KIAA1671: variants seen among roughly 807,000 people sequenced by gnomAD.
KIAA1671 encodes uncharacterized protein KIAA1671.
KIAA1671 carries 52 observed loss-of-function variants against 131.2 expected under a neutral mutation model. That is an observed-to-expected ratio of 0.40 (90% CI 0.32 to 0.50). The LOEUF (loss-of-function observed/expected upper bound fraction) is 0.50. Among genes scored for constraint, KIAA1671 ranks in the 20% least tolerant of loss-of-function variants. KIAA1671 has a pLI of 0.73. For synonymous variants in KIAA1671, 1,003 were observed against 961.6 expected (o/e 1.04, Z -0.80); for missense variants, 2,360 against 2,364.2 (o/e 1.00, Z 0.04).
At chr22:24,953,364 G>A (rs1921512681) in intron 1 of KIAA1671, among the ~76,000 whole-genome samples, 1 of 152,090 alleles carries the variant, frequency 6.6e-6, no homozygotes, top group Admixed American at 6.5e-5. Context: ...CAAGGGCGGC[G>A]AGCGAGACGG....
In KIAA1671 at chr22:25,039,277, T is replaced by G. The variant is rs1926784829; in HGVS notation, c.2147T>G (p.Phe716Cys). 6.4e-7 allele frequency: 1 copy of G among 1,552,188 alleles called. No homozygotes were observed. The highest frequency in any genetic ancestry group is 1.2e-5 in the South Asian group (1 of 84,062). Residue 716 changes from phenylalanine (F) to cysteine (C), a missense_variant, in exon 5 of 13, where the codon TTC becomes TGC. Phe to Cys is a radical substitution (Grantham distance 205). This residue lies in a region of KIAA1671 where 1,185 missense variants were observed against 1,126.2 expected (regional missense o/e 1.05). Transcript: ENST00000358431. ...TCTGAAAACCACAATAATAACACCT[T>G]CCTCAAACACTTGGAAAATCCTCCC... is the stretch of plus-strand genomic sequence containing the variant. ...PLSENHNNNTFLKHLENPPTS... is the reference protein window; with the variant it reads ...PLSENHNNNTCLKHLENPPTS...
chr22:25,167,096 C>T, intron 6 of KIAA1671, among the ~76,000 whole-genome samples: 1 of 152,180 alleles, frequency 6.6e-6, no homozygotes, highest in Middle Eastern at 3.2e-3. Context: ...CACTTCTAGC[C>T]CTGCGTCCCA....
intron 6 of KIAA1671, 126 bp from the exon 7 acceptor site, chr22:25,170,694 G>A (rs1933816525): frequency 3.5e-6 from 3 of 859,848 alleles, no homozygotes; most frequent in Non-Finnish European, 5.6e-6. Flanking sequence ...GCCCCACTTA[G>A]GAAGGCAGCG....
At chr22:24,967,417 T>C (rs1922355228) in intron 1 of KIAA1671, among the ~76,000 whole-genome samples, 1 of 152,210 alleles carries the variant, frequency 6.6e-6, no homozygotes, top group Admixed American at 6.5e-5. Context: ...AAGCTCTGAC[T>C]CCATCAGAAA....
Position 25,179,242 on chromosome 22 carries a change from G to A in KIAA1671, c.5074+1720G>A, listed in dbSNP as rs1406968755. ...GAACAAAAGTTGCATCTAGACAGAG[G>A]TGAACGAAACAAAACCAAAACCCGA... On this transcript the variant is annotated intron_variant, in intron 9 of 12. Transcript: ENST00000358431. 7 of 1,490,810 alleles carry A rather than the reference G, an allele frequency of 4.7e-6. No individual in the cohort carries two copies. In the Admixed American group the frequency reaches 9.8e-5, roughly 21 times the overall value. The allele number at this position is 1,490,810 out of a possible 1,614,324, so 92.3% of individuals were successfully genotyped here. A position where few individuals can be genotyped will look rare whatever the true frequency, so the allele number is the denominator to read the frequency against.
rs56200570 is a variant in KIAA1671 at position 25,093,838 on chromosome 22, G to GTCTCTCTCTC, written c.4530+44513_4530+44522dup. Among the ~76,000 whole-genome samples, 3 of 19,638 alleles carry GTCTCTCTCTC rather than the reference G, an allele frequency of 1.5e-4. 1 individual carries two copies. The highest frequency in any genetic ancestry group is 1.8e-4 in the Non-Finnish European group (2 of 11,414). The allele number at this position is 19,638 out of a possible 152,430, so 12.9% of individuals were successfully genotyped here. A position where few individuals can be genotyped will look rare whatever the true frequency, so the allele number is the denominator to read the frequency against. ...TCTCTCTCTCTTTCTCTCTCTGTCT[G>GTCTCTCTCTC]TCTCTCTCTCTCTCTCTCTCTCTCT... On this transcript the variant is annotated intron_variant, in intron 6 of 12. Transcript: ENST00000358431.
chr22:25,050,890 G>T (rs1927496380), intron 6 of KIAA1671: 2 of 152,102 alleles, frequency 1.3e-5, no homozygotes, highest in African/African-American at 4.8e-5. Context: ...TAGCTTATCT[G>T]ATTGTACTTG....
At chr22:25,169,979 T>A (rs576532357) in intron 6 of KIAA1671, among the ~76,000 whole-genome samples, 8 of 152,134 alleles carry the variant, frequency 5.3e-5, no homozygotes, top group Non-Finnish European at 8.8e-5. Context: ...AGTGGTGCAA[T>A]CTTGGCTCAT....
At chr22:25,029,679 A>T in intron 3 of KIAA1671, 139 bp downstream of exon 3, 1 of 674,704 alleles carries the variant, frequency 1.5e-6, no homozygotes, top group African/African-American at 1.8e-5. Flanking sequence ...GGCAGTGTCC[A>T]TTTCTCAGAT....
intron 6 of KIAA1671, among the ~76,000 whole-genome samples, chr22:25,127,584 A>T (rs73159937): frequency 0.18 from 27,972 of 151,660 alleles, 3,274 homozygotes; most frequent in Non-Finnish European, 0.25. Flanking sequence ...CCCCACCCCT[A>T]AGTTGCTACT....
intron 6 of KIAA1671, among the ~76,000 whole-genome samples, chr22:25,091,626 AAC>A (rs1307002803): frequency 2.0e-5 from 3 of 152,206 alleles, no homozygotes; most frequent in Non-Finnish European, 2.9e-5. Flanking sequence ...AGCGAGGCGG[AAC>A]TGCGCTTGAA....
chr22:25,148,636 A>AT (rs570571255), intron 6 of KIAA1671, among the ~76,000 whole-genome samples: 6 of 152,160 alleles, frequency 3.9e-5, no homozygotes, highest in Non-Finnish European at 8.8e-5. Context: ...CTTGAACTTT[A>AT]TCCAACTGGC....
At position 25,045,570 on chromosome 22, in the gene KIAA1671, A is replaced by G. The variant is rs944812582; in HGVS notation, c.4396-3660A>G. ...TAAGCTTTCTATGGAAAACTACAAC[A>G]GTCTATAGAAAATCTTGTGGCTTAC... On this transcript the variant is annotated intron_variant, in intron 5 of 12. Transcript: ENST00000358431. 4.3e-3 allele frequency among the ~76,000 whole-genome samples: 649 copies of G among 152,280 alleles called. 13 individuals are homozygous for G. Among genetic ancestry groups the G allele is most frequent in the Non-Finnish European group, 9.8e-4 (67 of 68,022 alleles).
At chr22:24,988,754 A>G (rs968952260) in intron 1 of KIAA1671, among the ~76,000 whole-genome samples, 1 of 148,682 alleles carries the variant, frequency 6.7e-6, no homozygotes, top group Non-Finnish European at 1.5e-5. Flanking sequence ...AAAAAAAAAA[A>G]ATGGGTTTGG....
chr22:25,177,680 G>A (rs1239533617), intron 9 of KIAA1671, among the ~76,000 whole-genome samples, 158 bp downstream of exon 9: 1 of 152,114 alleles, frequency 6.6e-6, no homozygotes, highest in African/African-American at 2.4e-5. Context: ...AAACACACAG[G>A]TGTTTATTTA....
At chr22:24,962,438 C>T (rs1353480937) in intron 1 of KIAA1671, among the ~76,000 whole-genome samples, 3 of 152,070 alleles carry the variant, frequency 2.0e-5, no homozygotes, top group Non-Finnish European at 2.9e-5. Flanking sequence ...TGAGGAATTC[C>T]GCCACCCATT....
In KIAA1671 at chr22:25,185,283, C is replaced by T; in HGVS notation, c.5342+164C>T. On this transcript the variant is annotated intron_variant, in intron 11 of 12. Coordinates refer to ENST00000358431, the MANE Select transcript of KIAA1671 (RefSeq NM_001145206.2). The stretch of plus-strand genomic sequence containing the variant: ...CATGAGAATTCTCAATACTCAGATA[C>T]CTAAAAAGTACAACAGAGGCCGGGG... 4.9e-6 allele frequency: 4 copies of T among 814,162 alleles called. No individual in the cohort carries two copies. In the Admixed American group the frequency reaches 1.3e-4, roughly 27 times the overall value. The allele number at this position is 814,162 out of a possible 1,614,324, so 50.4% of individuals were successfully genotyped here.
rs1191533219 is a variant in KIAA1671, at chr22:24,980,074, C to T, written c.-208+27302C>T. 3.3e-5 allele frequency among the ~76,000 whole-genome samples: 5 copies of T among 151,878 alleles called. No individual in the cohort carries two copies. In the South Asian group the frequency reaches 6.2e-4, roughly 19 times the overall value. ...CCACTTCCCAGGTTCAAGCAATTCT[C>T]CTGCCTCAGCCTCCTGAATAGCTGA... On this transcript the variant is annotated intron_variant, in intron 1 of 12. Transcript: ENST00000358431.
intron 6 of KIAA1671, 29 bp from the exon 7 acceptor site, chr22:25,170,791 G>A: frequency 6.5e-7 from 1 of 1,547,880 alleles, no homozygotes; most frequent in Non-Finnish European, 8.7e-7. Context: ...TTTCCTGGTA[G>A]AAATCTCACA....
Sources: allele counts gnomAD v4.1 joint callset (sites outside exome capture counted in the v4.1 genomes callset), GRCh38; gene constraint gnomAD v4.1.1; regional missense constraint gnomAD v4.1.1; transcripts MANE v1.5; gene names NCBI Gene and HGNC (gene_info 2026-07-23, HGNC 2026-07-21).